ZNF268: variants seen among roughly 807,000 people sequenced by gnomAD.
ZNF268 encodes zinc finger protein 3.
Under a neutral mutation model 29.3 loss-of-function variants are expected in ZNF268, and 20 were observed. The ratio of observed to expected loss-of-function variants is 0.68; its 90% CI spans 0.48 to 0.99. The LOEUF is 0.99. Among genes scored for constraint, ZNF268 ranks in the 50% least tolerant of loss-of-function variants. The probability of loss-of-function intolerance (pLI) is 0.00; values close to 1 mark genes in which losing one functional copy is unlikely to be tolerated. For missense variants in ZNF268, 1,240 were observed against 1,121.6 expected, an observed-to-expected ratio of 1.11 and a Z score of -1.51; for synonymous variants, 429 against 376.9, an observed-to-expected ratio of 1.14 and a Z score of -1.60.
At chr12:133,197,028 C>CTT (rs34487541) in intron 5 of ZNF268, among the ~76,000 whole-genome samples, 17 of 140,194 alleles carry the variant, frequency 1.2e-4, no homozygotes, top group African/African-American at 1.6e-4. Context: ...TAGATCCTTT[C>CTT]TTTTTTTTTT....
intron 5 of ZNF268, among the ~76,000 whole-genome samples, chr12:133,200,911 T>C (rs1354472210): frequency 6.6e-6 from 1 of 152,086 alleles, no homozygotes; most frequent in African/African-American, 2.4e-5. Context: ...CCTCCCTCCA[T>C]ACCTTCCCAC....
At chr12:133,192,387 C>A (rs1000303086) in intron 5 of ZNF268, among the ~76,000 whole-genome samples, 4 of 151,994 alleles carry the variant, frequency 2.6e-5, no homozygotes, top group Admixed American at 2.6e-4. Flanking sequence ...GGATTACAGG[C>A]GTGAGCCAGC....
chr12:133,203,958 G>A lies in ZNF268; in HGVS notation c.2272G>A (p.Gly758Arg). 6.3e-7 allele frequency: 1 copy of A among 1,594,200 alleles called. No individual in the cohort carries two copies. The highest frequency in any genetic ancestry group is 8.5e-7 in the Non-Finnish European group (1 of 1,172,146). ...AAATCCCTATGAATGCAGTGAATGT[G>A]GGAAAGCCTTTAATAGGAAAGACCA... ...GENPYECSEC[G>R]KAFNRKDQLI... The change falls in exon 6 of 6, where the codon GGG (glycine) becomes AGG (arginine). Residue 758 changes from glycine (G) to arginine (R), a missense_variant. Gly to Arg is a moderately radical substitution (Grantham distance 125). Around this residue, in one of 3 missense-constraint regions of ZNF268, gnomAD observed 1,177 missense variants for 1,039.6 expected, o/e 1.13. Transcript: ENST00000536435.
intron 5 of ZNF268, among the ~76,000 whole-genome samples, chr12:133,201,724 T>G (rs904578400): frequency 2.0e-5 from 3 of 152,096 alleles, no homozygotes; most frequent in Non-Finnish European, 2.9e-5. Flanking sequence ...CTCTAGAAGT[T>G]AGCATAGTGT....
In ZNF268 at chr12:133,206,922, TATTCAGTTTACTACTACCTAG is replaced by T. The variant is rs1956908589; in HGVS notation, c.*2393_*2413del. ...GAATAAATTCATAAGAGAAAGTTTA[TATTCAGTTTACTACTACCTAG>T]GGTTAGATTTTAGTTTGTTGTTTTT... On this transcript the variant is annotated 3_prime_UTR_variant, in exon 6 of 6. Transcript: ENST00000536435. The T allele has an allele frequency of 6.6e-6, 1 of 152,234 alleles. No individual in the cohort carries two copies. Among genetic ancestry groups the T allele is most frequent in the Admixed American group, 6.5e-5 (1 of 15,282 alleles). The allele number at this position is 152,234 out of a possible 1,614,324, so 9.4% of individuals were successfully genotyped here. A position where few individuals can be genotyped will look rare whatever the true frequency, so the allele number is the denominator to read the frequency against.
rs1218081019 is a variant in ZNF268, at chr12:133,212,484, TATATATATATATATGTATATATAC to T, written c.*7956_*7979del. On this transcript the variant is annotated 3_prime_UTR_variant, in exon 6 of 6. Coordinates refer to ENST00000536435, the MANE Select transcript of ZNF268 (RefSeq NM_003415.3). Reference sequence around the variant, plus strand: ...ATATATATATATATATATATATATATATATATATATATATGTATATATACACACACACATACACACATATATACA... The same window carrying T: ...ATATATATATATATATATATATATATACACACACATACACACATATATACA... 3.3e-4 allele frequency: 6 copies of T among 18,278 alleles called. No individual in the cohort carries two copies. Among genetic ancestry groups the T allele is most frequent in the African/African-American group, 3.1e-3 (6 of 1,964 alleles). The allele number at this position is 18,278 out of a possible 1,614,324, so 1.1% of individuals were successfully genotyped here. A position where few individuals can be genotyped will look rare whatever the true frequency, so the allele number is the denominator to read the frequency against.
At chr12:133,188,186 C>T in intron 3 of ZNF268, 114 bp downstream of exon 3, 1 of 964,616 alleles carries the variant, frequency 1.0e-6, no homozygotes, top group African/African-American at 1.7e-5. Context: ...CTCCTCAGTT[C>T]AGTTCAAAAC....
In ZNF268 at chr12:133,208,606, G is replaced by C. The variant is rs1441327911; in HGVS notation, c.*4076G>C. The C allele has an allele frequency of 6.6e-6, 1 of 152,152 alleles. No homozygotes were observed. Among genetic ancestry groups the C allele is most frequent in the East Asian group, 1.9e-4 (1 of 5,176 alleles). 9.4% of individuals were successfully genotyped at this position (152,152 alleles called of 1,614,324 possible). A position where few individuals can be genotyped will look rare whatever the true frequency, so the allele number is the denominator to read the frequency against. On this transcript the variant is annotated 3_prime_UTR_variant, in exon 6 of 6. Coordinates refer to ENST00000536435, the MANE Select transcript of ZNF268 (RefSeq NM_003415.3). ...GTAGTTCAAGGCTACAGTGAGCTAT[G>C]ATCATGCCCCTGCACTCCATCCTGG...
chr12:133,207,332 GGTTTAAAAATCCATATTTGTGAACA>G lies in ZNF268; in HGVS notation c.*2803_*2827del, dbSNP rs1956917376. ...TTAAAAATCCATATTTGTGAACATA[GGTTTAAAAATCCATATTTGTGAACA>G]TAGGTTTAAAAATTCTAAATGGAAT... On this transcript the variant is annotated 3_prime_UTR_variant, in exon 6 of 6. Coordinates refer to ENST00000536435, the MANE Select transcript of ZNF268 (RefSeq NM_003415.3). The G allele has an allele frequency of 6.6e-6, 1 of 151,318 alleles. No individual in the cohort carries two copies. The highest frequency in any genetic ancestry group is 6.6e-5 in the Admixed American group (1 of 15,156). The allele number at this position is 151,318 out of a possible 1,614,324, so 9.4% of individuals were successfully genotyped here.
intron 5 of ZNF268, among the ~76,000 whole-genome samples, chr12:133,201,115 T>C (rs1287366877): frequency 6.6e-6 from 1 of 152,044 alleles, no homozygotes; most frequent in African/African-American, 2.4e-5. Context: ...ATTTTTTCTG[T>C]AGTTAATTTT....
At chr12:133,187,695 T>A (rs1408784268) in intron 2 of ZNF268, among the ~76,000 whole-genome samples, 177 bp from the exon 3 acceptor site, 1 of 152,180 alleles carries the variant, frequency 6.6e-6, no homozygotes, top group Non-Finnish European at 1.5e-5. Flanking sequence ...CTTGAACTCT[T>A]GGTGCTAAGC....
intron 2 of ZNF268, among the ~76,000 whole-genome samples, chr12:133,186,947 T>A (rs1219654875): frequency 6.6e-6 from 1 of 152,226 alleles, no homozygotes; most frequent in African/African-American, 2.4e-5. Context: ...CTTCCCCTTG[T>A]CATTATCACT....
rs1469179718 is a variant in ZNF268 at position 133,204,056 on chromosome 12, C to T, written c.2370C>T (p.Ser790=). 3.2e-6 allele frequency: 5 copies of T among 1,562,200 alleles called. No homozygotes were observed. Among genetic ancestry groups the T allele is most frequent in the South Asian group, 1.2e-5 (1 of 85,754 alleles). ...YGCSECGKAF[S]SKSYLIIHMR... ...GCAGTGAATGTGGGAAAGCTTTTAG[C>T]AGCAAGTCATACCTAATTATACACA... The change falls in exon 6 of 6, where the codon AGC becomes AGT. Residue 790 remains serine (S), a synonymous_variant. Transcript: ENST00000536435.
chr12:133,192,765 G>GTTCACGCCAT (rs1956506414), intron 5 of ZNF268, among the ~76,000 whole-genome samples: 1 of 151,808 alleles, frequency 6.6e-6, no homozygotes, highest in South Asian at 2.1e-4. Flanking sequence ...TGCCTCCCGG[G>GTTCACGCCAT]TCTCCTGCTT....
Position 133,196,955 on chromosome 12 carries a change from GCTTT to G in ZNF268, c.457+4957_457+4960del, listed in dbSNP as rs551642093. Among the ~76,000 whole-genome samples the G allele has an allele frequency of 4.8e-3, 727 of 149,912 alleles. 4 individuals carry two copies. The highest frequency in any genetic ancestry group is 0.016 in the African/African-American group (653 of 40,704). On this transcript the variant is annotated intron_variant, in intron 5 of 5. Coordinates refer to ENST00000536435, the MANE Select transcript of ZNF268 (RefSeq NM_003415.3). ...ATGTTAAGATCCCCTGATCTGCTCT[GCTTT>G]CTTTTTTTTTTAATATTAATACCTT...
rs1407646236 is a variant in ZNF268 at position 133,204,844 on chromosome 12, T to C, written c.*314T>C. 4.5e-6 allele frequency: 1 copy of C among 224,480 alleles called. No individual in the cohort carries two copies. The highest frequency in any genetic ancestry group is 8.7e-6 in the Non-Finnish European group (1 of 115,604). The allele number at this position is 224,480 out of a possible 1,614,324, so 13.9% of individuals were successfully genotyped here. A position where few individuals can be genotyped will look rare whatever the true frequency, so the allele number is the denominator to read the frequency against. ...ACGTTGTAAAGTCATTTTACTAAAA[T>C]AAGATTCACAAAGAGGAAACTTCAT... On this transcript the variant is annotated 3_prime_UTR_variant, in exon 6 of 6. Coordinates refer to ENST00000536435, the MANE Select transcript of ZNF268 (RefSeq NM_003415.3).
intron 5 of ZNF268, among the ~76,000 whole-genome samples, chr12:133,195,968 C>T (rs1956582272): frequency 6.6e-6 from 1 of 150,836 alleles, no homozygotes. Context: ...CCTCAGCCTC[C>T]CAAGGTGCTG....
chr12:133,198,536 A>G (rs1309467761), intron 5 of ZNF268, among the ~76,000 whole-genome samples: 1 of 152,012 alleles, frequency 6.6e-6, no homozygotes, highest in Non-Finnish European at 1.5e-5. Context: ...TTGGTTCCAT[A>G]TGAACTTTAA....
Position 133,208,178 on chromosome 12 carries a change from CTG to C in ZNF268, c.*3650_*3651del, listed in dbSNP as rs1267803144. The C allele has an allele frequency of 6.6e-6, 1 of 152,072 alleles. No individual in the cohort carries two copies. The highest frequency in any genetic ancestry group is 6.6e-5 in the Admixed American group (1 of 15,256). The allele number at this position is 152,072 out of a possible 1,614,324, so 9.4% of individuals were successfully genotyped here. A position where few individuals can be genotyped will look rare whatever the true frequency, so the allele number is the denominator to read the frequency against. On this transcript the variant is annotated 3_prime_UTR_variant, in exon 6 of 6. Transcript: ENST00000536435. The stretch of plus-strand genomic sequence containing the variant: ...CCTGACCAATATAGGGAGACCCTGT[CTG>C]TACAAAAACTTTTTAAAAAGATTAG...
Sources: gnomAD v4.1 joint callset for allele counts (sites outside exome capture counted in the v4.1 genomes callset) on GRCh38, gnomAD v4.1.1 for gene constraint, gnomAD v4.1.1 regional missense constraint, MANE v1.5 for transcripts, NCBI Gene and HGNC (gene_info 2026-07-23, HGNC 2026-07-21) for gene names.